CTNNA2: variants seen among roughly 807,000 people sequenced by gnomAD.
CTNNA2 encodes catenin alpha-2.
CTNNA2 carries 42 observed loss-of-function variants against 101.0 expected under a neutral mutation model. The observed-to-expected ratio is 0.42, with a 90% confidence interval of 0.32 to 0.54. CTNNA2 has a LOEUF of 0.54. Ranked by LOEUF, CTNNA2 falls within the 20% of genes least tolerant of loss-of-function variation. The pLI is 0.14. For missense variants in CTNNA2, 871 were observed against 1,223.1 expected (o/e 0.71, Z 4.29); for synonymous variants, 450 against 456.4 (o/e 0.99, Z 0.18).
intron 3 of CTNNA2, among the ~76,000 whole-genome samples, chr2:79,333,193 A>C (rs1229763199): frequency 6.6e-6 from 1 of 152,070 alleles, no homozygotes; most frequent in South Asian, 2.1e-4. Context: ...GACATATTCA[A>C]GCAACACCAT....
At chr2:80,091,064 T>A (rs1699764107) in intron 7 of CTNNA2, among the ~76,000 whole-genome samples, 1 of 152,132 alleles carries the variant, frequency 6.6e-6, no homozygotes, top group South Asian at 2.1e-4. Flanking sequence ...CAGAGAGGTA[T>A]AGTCTCATCT....
At position 80,212,235 on chromosome 2, in the gene CTNNA2, C is replaced by A. The variant is rs570560661; in HGVS notation, c.1057-180976C>A. On this transcript the variant is annotated intron_variant, in intron 7 of 18. Coordinates refer to ENST00000402739, the MANE Select transcript of CTNNA2 (RefSeq NM_001282597.3). Reference sequence around the variant, plus strand: ...TCTTTCTCCTGCCTGATTGCCCTGGCCAGAACTTCCAACATTATGTTGAAT... The same window carrying A: ...TCTTTCTCCTGCCTGATTGCCCTGGACAGAACTTCCAACATTATGTTGAAT... 1.2e-4 allele frequency among the ~76,000 whole-genome samples: 18 copies of A among 152,232 alleles called. 1 individual carries two copies. In the South Asian group the frequency reaches 2.9e-3, roughly 25 times the overall value.
At chr2:79,845,348 T>C (rs1190030033) in intron 3 of CTNNA2, among the ~76,000 whole-genome samples, 1 of 152,026 alleles carries the variant, frequency 6.6e-6, no homozygotes, top group East Asian at 1.9e-4. Context: ...GTCTGCTACA[T>C]GGCAAGTGCT....
chr2:79,642,332 A>G (rs1053512289), intron 1 of CTNNA2, among the ~76,000 whole-genome samples: 2 of 152,108 alleles, frequency 1.3e-5, no homozygotes, highest in African/African-American at 4.8e-5. Flanking sequence ...CCCGCACCCC[A>G]CCCTGCCTTC....
chr2:80,518,639 A>G (rs1386939306), intron 9 of CTNNA2, among the ~76,000 whole-genome samples: 1 of 152,116 alleles, frequency 6.6e-6, no homozygotes, highest in African/African-American at 2.4e-5. Flanking sequence ...AATAATTATT[A>G]TATGAATGGC....
At chr2:79,910,328 A>C (rs561874782) in intron 7 of CTNNA2, among the ~76,000 whole-genome samples, 3 of 152,340 alleles carry the variant, frequency 2.0e-5, no homozygotes, top group African/African-American at 7.2e-5. Context: ...ATTGCTTATA[A>C]GAGTGAGTCT....
At chr2:79,578,310 G>A (rs188083787) in intron 1 of CTNNA2, among the ~76,000 whole-genome samples, 93 of 151,788 alleles carry the variant, frequency 6.1e-4, no homozygotes, top group African/African-American at 2.1e-3. Flanking sequence ...TATAAGGTTC[G>A]AATATTTCCT....
At chr2:79,802,313 C>T (rs1676228068) in intron 3 of CTNNA2, among the ~76,000 whole-genome samples, 1 of 152,168 alleles carries the variant, frequency 6.6e-6, no homozygotes, top group African/African-American at 2.4e-5. Context: ...GTTATATCCT[C>T]CTACAGAGCA....
intron 7 of CTNNA2, among the ~76,000 whole-genome samples, chr2:80,173,791 C>G (rs1271879395): frequency 6.6e-6 from 1 of 152,108 alleles, no homozygotes; most frequent in African/African-American, 2.4e-5. Flanking sequence ...GGATACTGGA[C>G]TGCAGACAGA....
At chr2:80,274,110 A>G (rs959412879) in intron 7 of CTNNA2, among the ~76,000 whole-genome samples, 2 of 152,196 alleles carry the variant, frequency 1.3e-5, no homozygotes. Context: ...AAAAGAATGG[A>G]CATAGGACAG....
intron 7 of CTNNA2, among the ~76,000 whole-genome samples, chr2:80,168,999 C>A (rs1468631471): frequency 6.6e-6 from 1 of 152,192 alleles, no homozygotes; most frequent in African/African-American, 2.4e-5. Flanking sequence ...CTTTGGCCTC[C>A]CCTGGCTGGG....
chr2:79,849,204 C>A (rs1330297833), intron 3 of CTNNA2, among the ~76,000 whole-genome samples: 1 of 151,876 alleles, frequency 6.6e-6, no homozygotes, highest in Non-Finnish European at 1.5e-5. Flanking sequence ...ACCATGGAGC[C>A]CACTACCCTT....
rs148787948 is a variant in CTNNA2, at chr2:79,668,538, G to A, written c.102+16880G>A. On this transcript the variant is annotated intron_variant, in intron 2 of 18. Transcript: ENST00000402739. ...TTTAAATCCAGGTTGTAAGGAATAA[G>A]AACCACCTCCTTGAATATTCCTTTC... Among the ~76,000 whole-genome samples, 533 of 152,242 alleles carry A rather than the reference G, an allele frequency of 3.5e-3. 12 individuals carry two copies. In the East Asian group the frequency reaches 0.048, roughly 14 times the overall value.
At chr2:79,351,898 C>A (rs1573110065) in intron 3 of CTNNA2, among the ~76,000 whole-genome samples, 1 of 152,152 alleles carries the variant, frequency 6.6e-6, no homozygotes, top group Non-Finnish European at 1.5e-5. Context: ...AATGAACATA[C>A]AGACACATAT....
At chr2:80,191,872 G>A (rs1387871793) in intron 7 of CTNNA2, among the ~76,000 whole-genome samples, 1 of 152,116 alleles carries the variant, frequency 6.6e-6, no homozygotes, top group Non-Finnish European at 1.5e-5. Flanking sequence ...TGTGGTTAAA[G>A]ATAACCAAAC....
chr2:80,598,647 G>A (rs950063148), intron 15 of CTNNA2, among the ~76,000 whole-genome samples: 1 of 145,034 alleles, frequency 6.9e-6, no homozygotes. Context: ...CCTTCATTGG[G>A]CAAATGGTTA....
At chr2:79,857,975 C>G in intron 3 of CTNNA2, 38 bp from the exon 4 acceptor site, 1 of 1,593,498 alleles carries the variant, frequency 6.3e-7, no homozygotes, top group Non-Finnish European at 8.6e-7. Flanking sequence ...CTCTAAGCCT[C>G]TTGTCTACCC....
chr2:79,975,056 G>T (rs1690739532), intron 7 of CTNNA2, among the ~76,000 whole-genome samples: 1 of 152,112 alleles, frequency 6.6e-6, no homozygotes, highest in East Asian at 1.9e-4. Context: ...TGAGGAGGAG[G>T]CTTGTTTTCT....
At chr2:79,817,316 CTTTTTTTTTTTTT>C (rs550422225) in intron 3 of CTNNA2, among the ~76,000 whole-genome samples, 13,814 of 74,380 alleles carry the variant, frequency 0.19, 1,229 homozygotes, top group Middle Eastern at 0.38. Context: ...TTCTCTCTCA[CTTTTTTTTTTTTT>C]TTTTTTTTTT....
Sources: gnomAD v4.1 joint callset for allele counts (sites outside exome capture counted in the v4.1 genomes callset) on GRCh38, gnomAD v4.1.1 for gene constraint, MANE v1.5 for transcripts, NCBI Gene and HGNC (gene_info 2026-07-23, HGNC 2026-07-21) for gene names.